TMF1: variants seen among roughly 807,000 people sequenced by gnomAD.
The protein encoded by TMF1 is TATA element modulatory factor 1.
Under a neutral mutation model 126.5 loss-of-function variants are expected in TMF1, and 71 were observed. The ratio of observed to expected loss-of-function variants is 0.56; its 90% CI spans 0.46 to 0.68. The LOEUF (loss-of-function observed/expected upper bound fraction) is 0.68. Ranked by LOEUF, TMF1 falls within the 30% of genes least tolerant of loss-of-function variation. TMF1 has a pLI of 0.00. For synonymous variants in TMF1, 461 were observed against 430.5 expected, an observed-to-expected ratio of 1.07 and a Z score of -0.88; for missense variants, 1,259 against 1,253.2, an observed-to-expected ratio of 1.00 and a Z score of -0.07.
At chr3:69,030,112 T>G in intron 10 of TMF1, 105 bp from the exon 11 acceptor site, 2 of 921,046 alleles carry the variant, frequency 2.2e-6, no homozygotes, top group Non-Finnish European at 3.2e-6. Context: ...TAGCCACACT[T>G]AAAACTGATA....
chr3:69,045,391 G>A (rs954693232), intron 2 of TMF1, among the ~76,000 whole-genome samples: 2 of 152,018 alleles, frequency 1.3e-5, no homozygotes, highest in Admixed American at 1.3e-4. Flanking sequence ...CCAGGAGGTG[G>A]AGGTTGCAGT....
chr3:69,040,966 T>C (rs1186935850), intron 5 of TMF1, among the ~76,000 whole-genome samples: 1 of 151,752 alleles, frequency 6.6e-6, no homozygotes, highest in Non-Finnish European at 1.5e-5. Flanking sequence ...AAACAATATA[T>C]AATACCCTTT....
chr3:69,050,017 T>C (rs2091917389), intron 1 of TMF1, among the ~76,000 whole-genome samples: 1 of 152,084 alleles, frequency 6.6e-6, no homozygotes, highest in Non-Finnish European at 1.5e-5. Context: ...CTCAGCACTT[T>C]GGGAGGCCGA....
chr3:69,025,539 C>G, intron 15 of TMF1, 21 bp downstream of exon 15: 1 of 1,596,764 alleles, frequency 6.3e-7, no homozygotes, highest in East Asian at 2.2e-5. Context: ...ACTTCTATAG[C>G]AAATTTAATT....
chr3:69,023,277 T>C lies in TMF1; in HGVS notation c.3182A>G (p.Glu1061Gly). The change falls in exon 17 of 17, where the codon GAA becomes GGA. Residue 1061 changes from glutamate (E) to glycine (G), a missense_variant. Transcript: ENST00000398559. Reference protein sequence around the residue: ...RYNTILQMYGEKAEEAEELRL... With the variant: ...RYNTILQMYGGKAEEAEELRL... ...AAGTTCTTCTGCCTCTTCTGCTTTT[T>C]CTCCATACATCTGCAGAATAGTGTT... 6.2e-7 allele frequency: 1 copy of C among 1,612,332 alleles called. No homozygotes were observed. Among genetic ancestry groups the C allele is most frequent in the East Asian group, 2.2e-5 (1 of 44,706 alleles).
chr3:69,035,199 T>C, intron 8 of TMF1, 84 bp from the exon 9 acceptor site: 1 of 1,097,078 alleles, frequency 9.1e-7, no homozygotes. Flanking sequence ...TTGTGTTGTG[T>C]CAACATTGTT....
intron 5 of TMF1, chr3:69,042,441 T>C (rs1170675668): frequency 6.5e-6 from 3 of 463,742 alleles, no homozygotes; most frequent in Middle Eastern, 3.5e-4. Flanking sequence ...GACAATATCA[T>C]ACAGTACTTA....
chr3:69,043,074 A>C (rs1299689397), intron 4 of TMF1, among the ~76,000 whole-genome samples, 162 bp from the exon 5 acceptor site: 2 of 152,232 alleles, frequency 1.3e-5, no homozygotes, highest in Non-Finnish European at 2.9e-5. Flanking sequence ...TAAGACTAAG[A>C]AAACAACTTT....
rs749261735 is a variant in TMF1 at position 69,038,843 on chromosome 3, T to C, written c.1994A>G (p.Lys665Arg). 3.0e-5 allele frequency: 48 copies of C among 1,585,868 alleles called. No homozygotes were observed. Among genetic ancestry groups the C allele is most frequent in the Non-Finnish European group, 3.9e-5 (45 of 1,167,658 alleles). Residue 665 changes from lysine to arginine, a missense_variant and splice_region_variant, in exon 7 of 17, where the codon AAA becomes AGA. Physicochemically the swap from Lys to Arg is conservative, Grantham distance 26. Transcript: ENST00000398559. ...GTTGCATATTTGTTCATTTTCTTAC[T>C]TGTATGCACTATCCAGGGCAGCCTG... ...SIQAALDSAY[K>R]ELTDLHKANA...
intron 3 of TMF1, 27 bp from the exon 4 acceptor site, chr3:69,043,903 G>A (rs781659534): frequency 1.9e-6 from 3 of 1,580,040 alleles, no homozygotes; most frequent in South Asian, 2.3e-5. Flanking sequence ...ATTTGAGAAT[G>A]AGGATGGTGT....
intron 8 of TMF1, among the ~76,000 whole-genome samples, chr3:69,037,911 C>A (rs1393764347): frequency 6.6e-6 from 1 of 152,088 alleles, no homozygotes; most frequent in South Asian, 2.1e-4. Context: ...AATAATAAAT[C>A]TTGGCAAGGA....
chr3:69,044,630 T>C (rs1012605692), intron 2 of TMF1, 35 bp from the exon 3 acceptor site: 2 of 1,452,304 alleles, frequency 1.4e-6, no homozygotes, highest in African/African-American at 2.9e-5. Context: ...TCAGAACGCT[T>C]AGCTTTAAAA....
At chr3:69,043,004 A>C in intron 4 of TMF1, 92 bp from the exon 5 acceptor site, 1 of 882,786 alleles carries the variant, frequency 1.1e-6, no homozygotes, top group Non-Finnish European at 1.8e-6. Context: ...AGCTGTCCAT[A>C]ATCACATTTG....
chr3:69,042,933 G>A (rs1367246136), intron 4 of TMF1, 21 bp from the exon 5 acceptor site: 1 of 1,515,342 alleles, frequency 6.6e-7, no homozygotes, highest in Non-Finnish European at 9.1e-7. Flanking sequence ...AGAAATCTGT[G>A]AATACCGTAA....
intron 8 of TMF1, among the ~76,000 whole-genome samples, chr3:69,037,367 T>C (rs2091838456): frequency 6.6e-6 from 1 of 151,980 alleles, no homozygotes; most frequent in African/African-American, 2.4e-5. Context: ...TGGCCGGGCA[T>C]GGTGGCTCAT....
At chr3:69,024,806 T>TC (rs1452964151) in intron 15 of TMF1, 1 of 147,372 alleles carries the variant, frequency 6.8e-6, no homozygotes, top group Non-Finnish European at 1.5e-5. Context: ...AAATTTCTTT[T>TC]TTTTTTTTTT....
chr3:69,024,140 G>T lies in TMF1; in HGVS notation c.3053C>A (p.Ala1018Asp). The change falls in exon 16 of 17, where the codon GCT becomes GAT. Residue 1018 changes from alanine (A) to aspartate (D), a missense_variant. Coordinates refer to ENST00000398559, the MANE Select transcript of TMF1 (RefSeq NM_007114.3). ...GNLEKTRSIM[A>D]EELVKLTNQN... ...ATTTGTTAATTTAACTAGTTCTTCA[G>T]CCATTATTGATCGAGTTTTTTCTAG... 1 of 1,608,340 alleles carries T rather than the reference G, an allele frequency of 6.2e-7. No homozygotes were observed.
At chr3:69,027,144 T>A (rs1286854775) in intron 13 of TMF1, among the ~76,000 whole-genome samples, 1 of 152,096 alleles carries the variant, frequency 6.6e-6, no homozygotes, top group African/African-American at 2.4e-5. Context: ...TACAGGCACA[T>A]GCCACCATGC....
At position 69,027,990 on chromosome 3, in the gene TMF1, T is replaced by C. The variant is rs749777502; in HGVS notation, c.2667A>G (p.Thr889=). 1.3e-6 allele frequency: 2 copies of C among 1,532,288 alleles called. No individual in the cohort carries two copies. The highest frequency in any genetic ancestry group is 2.3e-5 in the South Asian group (2 of 86,854). The allele number at this position is 1,532,288 out of a possible 1,614,324, so 94.9% of individuals were successfully genotyped here. A position where few individuals can be genotyped will look rare whatever the true frequency, so the allele number is the denominator to read the frequency against. Residue 889 remains threonine (T), a splice_region_variant and synonymous_variant, in exon 13 of 17, where the codon ACA becomes ACG. Coordinates refer to ENST00000398559, the MANE Select transcript of TMF1 (RefSeq NM_007114.3). Reference sequence around the variant, plus strand: ...CCATTTCTAACTGACTATTCAACAATGTCTAATAGAGAGAAATAAAGTTAG... The same window carrying C: ...CCATTTCTAACTGACTATTCAACAACGTCTAATAGAGAGAAATAAAGTTAG... ...RTLEETRKEK[T]LLNSQLEMER... is the part of the protein sequence containing the mutation.
Sources: allele counts gnomAD v4.1 joint callset (sites outside exome capture counted in the v4.1 genomes callset), GRCh38; gene constraint gnomAD v4.1.1; transcripts MANE v1.5; gene names NCBI Gene and HGNC (gene_info 2026-07-23, HGNC 2026-07-21).